Variants in APELA observed in about 807,000 individuals in gnomAD.
APELA encodes the protein protein Elabela.
At chr4:164,890,378 A>G (rs991985750) in intron 2 of APELA, among the ~76,000 whole-genome samples, 1 of 152,106 alleles carries the variant, frequency 6.6e-6, no homozygotes, top group Non-Finnish European at 1.5e-5. Flanking sequence ...AAGAAACCCC[A>G]TTCTCATTAG....
At chr4:164,891,268 T>G (rs552251455) in intron 2 of APELA, among the ~76,000 whole-genome samples, 2 of 152,278 alleles carry the variant, frequency 1.3e-5, no homozygotes, top group African/African-American at 4.8e-5. Flanking sequence ...TGGTAGCTTG[T>G]TCTTTAGATA....
At chr4:164,883,504 T>G (rs1452288116) in intron 2 of APELA, among the ~76,000 whole-genome samples, 1 of 150,486 alleles carries the variant, frequency 6.6e-6, no homozygotes, top group African/African-American at 2.5e-5. Context: ...TTTTTTTTTT[T>G]TGAGACAGGA....
intron 2 of APELA, among the ~76,000 whole-genome samples, chr4:164,891,336 C>T (rs1382404534): frequency 2.0e-5 from 3 of 152,096 alleles, no homozygotes; most frequent in Non-Finnish European, 4.4e-5. Flanking sequence ...TTGTCAATTT[C>T]TGCAAAGAGC....
rs143570764 is a variant in APELA at position 164,887,123 on chromosome 4, C to T, written c.*1+8114C>T. 1.8e-4 allele frequency among the ~76,000 whole-genome samples: 28 copies of T among 152,286 alleles called. No individual in the cohort carries two copies. The East Asian group carries it at 4.8e-3, about 26-fold the overall frequency. On this transcript the variant is annotated intron_variant, in intron 2 of 2. Transcript: ENST00000507152. ...GATTACAGGCATGAGCCACTGCGCCCGGCCAGTTTTCTTCATTTTAAAAAC... is the reference window on the plus strand; with the variant it reads ...GATTACAGGCATGAGCCACTGCGCCTGGCCAGTTTTCTTCATTTTAAAAAC...
Position 164,877,329 on chromosome 4 carries a change from A to G in APELA, c.-3A>G, listed in dbSNP as rs1283049736. The G allele has an allele frequency of 1.0e-5, 4 of 398,916 alleles. No individual in the cohort carries two copies. Among genetic ancestry groups the G allele is most frequent in the African/African-American group, 8.2e-5 (4 of 48,636 alleles). The allele number at this position is 398,916 out of a possible 1,614,324, so 24.7% of individuals were successfully genotyped here. A position where few individuals can be genotyped will look rare whatever the true frequency, so the allele number is the denominator to read the frequency against. On this transcript the variant is annotated 5_prime_UTR_variant, in exon 1 of 3. Coordinates refer to ENST00000507152, the MANE Select transcript of APELA (RefSeq NM_001297550.2). ...CATTGCTCTACTTTTGTGCGGTAGG[A>G]AAATGAGATTTCAGCAATTCCTTTT...
chr4:164,893,495 A>G (rs1016845706), intron 2 of APELA, among the ~76,000 whole-genome samples: 1 of 152,110 alleles, frequency 6.6e-6, no homozygotes, highest in South Asian at 2.1e-4. Context: ...TTAGGGCTCT[A>G]AGTATATATA....
chr4:164,890,482 A>G lies in APELA; in HGVS notation c.*2-4934A>G, dbSNP rs75354925. ...GATTTCCCTATTCTAGATATTCCAT[A>G]TAAATGAATTCTTGTGATATGTGGT... On this transcript the variant is annotated intron_variant, in intron 2 of 2. Coordinates refer to ENST00000507152, the MANE Select transcript of APELA (RefSeq NM_001297550.2). Among the ~76,000 whole-genome samples the G allele has an allele frequency of 7.7e-3, 1,171 of 152,328 alleles. 13 individuals are homozygous for G. Among genetic ancestry groups the G allele is most frequent in the African/African-American group, 0.024 (1,001 of 41,564 alleles).
intron 2 of APELA, among the ~76,000 whole-genome samples, chr4:164,886,359 A>G (rs1354894541): frequency 7.9e-5 from 12 of 152,214 alleles, no homozygotes; most frequent in Admixed American, 6.5e-5. Context: ...TTCTGTAAAG[A>G]TTATGATGCC....
At chr4:164,893,901 T>C (rs1730924895) in intron 2 of APELA, among the ~76,000 whole-genome samples, 1 of 152,092 alleles carries the variant, frequency 6.6e-6, no homozygotes, top group Non-Finnish European at 1.5e-5. Flanking sequence ...GTTCCTCTCT[T>C]CCTCTTCTAC....
chr4:164,880,718 A>C (rs1730639899), intron 2 of APELA, among the ~76,000 whole-genome samples: 1 of 152,230 alleles, frequency 6.6e-6, no homozygotes, highest in East Asian at 1.9e-4. Flanking sequence ...ACAAGTCTTT[A>C]GATAGCCACA....
At chr4:164,893,077 T>C (rs1340941245) in intron 2 of APELA, among the ~76,000 whole-genome samples, 1 of 152,178 alleles carries the variant, frequency 6.6e-6, no homozygotes, top group Non-Finnish European at 1.5e-5. Flanking sequence ...ATTTTTGCTA[T>C]GGTTTTTCCA....
chr4:164,890,378 A>C (rs991985750), intron 2 of APELA, among the ~76,000 whole-genome samples: 1 of 152,106 alleles, frequency 6.6e-6, no homozygotes, highest in Non-Finnish European at 1.5e-5. Context: ...AAGAAACCCC[A>C]TTCTCATTAG....
chr4:164,895,135 T>A (rs901405780), intron 2 of APELA, among the ~76,000 whole-genome samples: 1 of 152,114 alleles, frequency 6.6e-6, no homozygotes, highest in African/African-American at 2.4e-5. Flanking sequence ...GAGGCAGAGG[T>A]TGCAGTGAGC....
chr4:164,885,450 T>A (rs76833913), intron 2 of APELA, among the ~76,000 whole-genome samples: 3,681 of 151,600 alleles, frequency 0.024, 137 homozygotes, highest in African/African-American at 0.084. Context: ...TGCTAAAAGA[T>A]GTAAAATAGG....
At chr4:164,893,963 G>A (rs540282323) in intron 2 of APELA, among the ~76,000 whole-genome samples, 135 of 145,706 alleles carry the variant, frequency 9.3e-4, no homozygotes, top group African/African-American at 2.7e-3. Context: ...TTTGGTCACC[G>A]AAAAAAAAAA....
intron 2 of APELA, among the ~76,000 whole-genome samples, chr4:164,881,095 G>A (rs939862921): frequency 6.6e-6 from 1 of 152,176 alleles, no homozygotes; most frequent in Non-Finnish European, 1.5e-5. Flanking sequence ...AATAACAAGT[G>A]CTACCTTCAG....
In APELA at chr4:164,892,828, T is replaced by C. The variant is rs558526641; in HGVS notation, c.*2-2588T>C. Among the ~76,000 whole-genome samples, 4 of 152,322 alleles carry C rather than the reference T, an allele frequency of 2.6e-5. No individual in the cohort carries two copies. The South Asian group carries it at 8.3e-4, about 32-fold the overall frequency. On this transcript the variant is annotated intron_variant, in intron 2 of 2. Coordinates refer to ENST00000507152, the MANE Select transcript of APELA (RefSeq NM_001297550.2). Reference sequence around the variant, plus strand: ...ATTTTTATTTCTTTTTGAGTCAGTTTTGGTAATTTGTGTCTTTCTAGGAAT... The same window carrying C: ...ATTTTTATTTCTTTTTGAGTCAGTTCTGGTAATTTGTGTCTTTCTAGGAAT...
At chr4:164,892,084 G>A (rs920379958) in intron 2 of APELA, among the ~76,000 whole-genome samples, 6 of 152,060 alleles carry the variant, frequency 3.9e-5, no homozygotes, top group Admixed American at 3.9e-4. Flanking sequence ...GCTGAGGGGG[G>A]CAGATTGCTT....
chr4:164,890,395 C>T (rs959092715), intron 2 of APELA, among the ~76,000 whole-genome samples: 1 of 152,176 alleles, frequency 6.6e-6, no homozygotes, highest in African/African-American at 2.4e-5. Context: ...TTAGCAGGCA[C>T]TCCCCATTTC....
Sources: allele counts gnomAD v4.1 joint callset (sites outside exome capture counted in the v4.1 genomes callset), GRCh38; gene constraint gnomAD v4.1.1; transcripts MANE v1.5; gene names NCBI Gene and HGNC (gene_info 2026-07-23, HGNC 2026-07-21).